F5: variants seen among roughly 807,000 people sequenced by gnomAD.
F5 encodes the protein activated protein c cofactor.
F5 carries 138 observed loss-of-function variants against 216.4 expected under a neutral mutation model. That is an observed-to-expected ratio of 0.64 (90% CI 0.56 to 0.73). The LOEUF (loss-of-function observed/expected upper bound fraction) is 0.73. Among genes scored for constraint, F5 ranks in the 30% least tolerant of loss-of-function variants. The probability of loss-of-function intolerance (pLI) is 0.00; values close to 1 mark genes in which losing one functional copy is unlikely to be tolerated. For synonymous variants in F5, 916 were observed against 930.7 expected, an observed-to-expected ratio of 0.98 and a Z score of 0.29; for missense variants, 2,403 against 2,674.0, an observed-to-expected ratio of 0.90 and a Z score of 2.24.
intron 22 of F5, 125 bp from the exon 23 acceptor site, chr1:169,518,688 G>A: frequency 9.2e-7 from 1 of 1,085,852 alleles, no homozygotes; most frequent in South Asian, 1.4e-5. Flanking sequence ...CCACAACAAT[G>A]AAGATTTATT....
chr1:169,553,981 A>G (rs936764647), intron 7 of F5, among the ~76,000 whole-genome samples: 1 of 152,160 alleles, frequency 6.6e-6, no homozygotes, highest in African/African-American at 2.4e-5. Context: ...TTCCCAGTGG[A>G]AAGCACTGAC....
chr1:169,553,897 C>G (rs1208892362), intron 7 of F5, among the ~76,000 whole-genome samples: 1 of 152,102 alleles, frequency 6.6e-6, no homozygotes, highest in Non-Finnish European at 1.5e-5. Context: ...GGCAGTTCCT[C>G]CAAGACCTAA....
rs185339089 is a variant in F5, at chr1:169,549,224, A to G, written c.1611+577T>C. Reference sequence around the variant, plus strand: ...ATATGAGACTACAATTCTTCAATGAAGACAAACTCAGAAATTCAGTATCTT... The same window carrying G: ...ATATGAGACTACAATTCTTCAATGAGGACAAACTCAGAAATTCAGTATCTT... On this transcript the variant is annotated intron_variant, in intron 10 of 24. Transcript: ENST00000367797. 1.6e-3 allele frequency among the ~76,000 whole-genome samples: 250 copies of G among 152,334 alleles called. 1 individual carries two copies. The highest frequency in any genetic ancestry group is 5.6e-3 in the African/African-American group (232 of 41,586).
chr1:169,532,553 G>C (rs1483065516), intron 14 of F5, among the ~76,000 whole-genome samples: 1 of 152,136 alleles, frequency 6.6e-6, no homozygotes, highest in Non-Finnish European at 1.5e-5. Context: ...ATGTACAAAT[G>C]TACAAAATAG....
intron 2 of F5, among the ~76,000 whole-genome samples, chr1:169,575,204 G>A (rs1660816342): frequency 6.6e-6 from 1 of 152,164 alleles, no homozygotes; most frequent in South Asian, 2.1e-4. Context: ...GAAAAGGGAT[G>A]GCCAAAGACA....
In F5 at chr1:169,552,703, A is replaced by G; in HGVS notation, c.1150T>C (p.Ser384Pro). 6.2e-7 allele frequency: 1 copy of G among 1,612,160 alleles called. No homozygotes were observed. The highest frequency in any genetic ancestry group is 8.5e-7 in the Non-Finnish European group (1 of 1,179,290). ...TTATAATGTTTTCCAATTTGGTTTG[A>G]GAAATTATCCAAATGCTGAGACCTG... is the stretch of plus-strand genomic sequence containing the variant. Reference protein sequence around the residue: ...KYRSQHLDNFSNQIGKHYKKV... With the variant: ...KYRSQHLDNFPNQIGKHYKKV... The change falls in exon 8 of 25, where the codon TCA becomes CCA. Residue 384 changes from serine (S) to proline (P), a missense_variant. Physicochemically the swap from Ser to Pro is moderately conservative, Grantham distance 74 (BLOSUM62 -1). This residue lies in a region of F5 where 1,425 missense variants were observed against 1,554.8 expected (regional missense o/e 0.92). Transcript: ENST00000367797.
intron 1 of F5, among the ~76,000 whole-genome samples, chr1:169,584,165 C>T (rs889920806): frequency 2.6e-5 from 4 of 152,128 alleles, no homozygotes; most frequent in East Asian, 1.9e-4. Flanking sequence ...CAGTCTCTTA[C>T]GTGGAGTAAT....
intron 11 of F5, among the ~76,000 whole-genome samples, chr1:169,544,754 T>C (rs1166692003): frequency 6.6e-6 from 1 of 152,230 alleles, no homozygotes; most frequent in Non-Finnish European, 1.5e-5. Context: ...CCATTTACAT[T>C]GATTTAGTCA....
chr1:169,519,681 G>T (rs1164567655), intron 22 of F5, among the ~76,000 whole-genome samples: 1 of 152,160 alleles, frequency 6.6e-6, no homozygotes, highest in Non-Finnish European at 1.5e-5. Flanking sequence ...CTCCTGACAG[G>T]TGTGCCACGG....
At chr1:169,544,245 A>G (rs749049787) in intron 12 of F5, 51 bp downstream of exon 12, 4 of 1,527,052 alleles carry the variant, frequency 2.6e-6, no homozygotes, top group Admixed American at 3.4e-5. Context: ...ACCTTTATAG[A>G]CCAGAAATTC....
At chr1:169,561,707 A>T (rs1660491042) in intron 3 of F5, among the ~76,000 whole-genome samples, 1 of 152,114 alleles carries the variant, frequency 6.6e-6, no homozygotes, top group African/African-American at 2.4e-5. Context: ...GGATGCAGTT[A>T]TTTTTGTTTG....
In F5 at chr1:169,572,323, A is replaced by G. The variant is rs367901835; in HGVS notation, c.271T>C (p.Tyr91His). ...TISGLLGPTL[Y>H]AEVGDIIKVH... ...TTTATGATGTCTCCGACTTCAGCATATAAAGTAGGCCCAAGAAGTCCTGTG... is the reference window on the plus strand; with the variant it reads ...TTTATGATGTCTCCGACTTCAGCATGTAAAGTAGGCCCAAGAAGTCCTGTG... The change falls in exon 3 of 25, where the codon TAT becomes CAT. Residue 91 changes from tyrosine (Y) to histidine (H), a missense_variant. Physicochemically the swap from Tyr to His is moderately conservative, Grantham distance 83. Coordinates refer to ENST00000367797, the MANE Select transcript of F5 (RefSeq NM_000130.5). 51 of 1,613,208 alleles carry G rather than the reference A, an allele frequency of 3.2e-5. No individual in the cohort carries two copies. Among genetic ancestry groups the G allele is most frequent in the Non-Finnish European group, 4.2e-5 (49 of 1,179,624 alleles).
At chr1:169,522,384 A>G (rs1194146543) in intron 21 of F5, among the ~76,000 whole-genome samples, 1 of 152,202 alleles carries the variant, frequency 6.6e-6, no homozygotes, top group African/African-American at 2.4e-5. Flanking sequence ...ATAAAACTAT[A>G]TACCAATATC....
chr1:169,547,455 C>G (rs1660038454), intron 10 of F5, among the ~76,000 whole-genome samples: 1 of 152,058 alleles, frequency 6.6e-6, no homozygotes. Context: ...TGGCAAAGGT[C>G]TAATATGGAG....
chr1:169,514,264 G>C lies in F5; in HGVS notation c.*49C>G. The stretch of plus-strand genomic sequence containing the variant: ...GTAAAATACATTGCCCATTCTAAAT[G>C]GTTTGAGGTCTTAAAGAGTCTCTTC... On this transcript the variant is annotated 3_prime_UTR_variant, in exon 25 of 25. Coordinates refer to ENST00000367797, the MANE Select transcript of F5 (RefSeq NM_000130.5). The C allele has an allele frequency of 6.4e-7, 1 of 1,573,202 alleles. No homozygotes were observed.
chr1:169,524,035 C>T, intron 19 of F5, 131 bp from the exon 20 acceptor site: 4 of 760,278 alleles, frequency 5.3e-6, no homozygotes, highest in Non-Finnish European at 9.1e-6. Context: ...TAGGCATGGG[C>T]CTCAGCTACT....
At chr1:169,562,133 T>A (rs970207543) in intron 3 of F5, among the ~76,000 whole-genome samples, 1 of 152,138 alleles carries the variant, frequency 6.6e-6, no homozygotes, top group Admixed American at 6.6e-5. Flanking sequence ...ATAGCTATAG[T>A]TCCAATCAAG....
chr1:169,527,771 A>G (rs1659493912), intron 17 of F5, 144 bp downstream of exon 17: 4 of 1,000,596 alleles, frequency 4.0e-6, no homozygotes, highest in Admixed American at 2.2e-5. Flanking sequence ...CTTTGGGTCT[A>G]TGGGTTTGCC....
chr1:169,585,572 C>T (rs866795012), intron 1 of F5, among the ~76,000 whole-genome samples: 7 of 151,940 alleles, frequency 4.6e-5, no homozygotes, highest in African/African-American at 1.7e-4. Flanking sequence ...GTTACATATG[C>T]CTTTAAGTAG....
Sources: gnomAD v4.1 joint callset for allele counts (sites outside exome capture counted in the v4.1 genomes callset) on GRCh38, gnomAD v4.1.1 for gene constraint, gnomAD v4.1.1 regional missense constraint, MANE v1.5 for transcripts, NCBI Gene and HGNC (gene_info 2026-07-23, HGNC 2026-07-21) for gene names.